Variants in EXOC4 observed in about 807,000 individuals in gnomAD.
EXOC4 encodes the protein exocyst complex component 4.
In EXOC4, 71 loss-of-function variants were observed where a neutral mutation model predicts 107.2. That is an observed-to-expected ratio of 0.66 (90% CI 0.55 to 0.81). The LOEUF (loss-of-function observed/expected upper bound fraction) is 0.81, where lower values mean the gene tolerates loss of function less well. EXOC4 is among the 30% of genes least tolerant of loss of function. EXOC4 has a pLI of 0.00. For synonymous variants in EXOC4, 456 were observed against 441.2 expected, an observed-to-expected ratio of 1.03 and a Z score of -0.42; for missense variants, 1,108 against 1,189.6, an observed-to-expected ratio of 0.93 and a Z score of 1.01.
chr7:134,068,288 C>T (rs549597445), downstream of EXOC4, among the ~76,000 whole-genome samples: 62 of 152,274 alleles, frequency 4.1e-4, no homozygotes, highest in African/African-American at 1.4e-3. Flanking sequence ...CATAATCCCA[C>T]GTGTCAGGGG....
At chr7:133,331,895 C>T (rs920754079) in intron 5 of EXOC4, among the ~76,000 whole-genome samples, 2 of 152,132 alleles carry the variant, frequency 1.3e-5, no homozygotes, top group Non-Finnish European at 2.9e-5. Flanking sequence ...TCTTATTCTC[C>T]TCAGTCACAG....
At chr7:133,943,071 T>G (rs531033314) in intron 14 of EXOC4, among the ~76,000 whole-genome samples, 25 of 152,316 alleles carry the variant, frequency 1.6e-4, no homozygotes, top group Non-Finnish European at 3.2e-4. Flanking sequence ...GTAGTTCCTC[T>G]GTCATACTAG....
chr7:133,436,251 T>C (rs540624132), intron 7 of EXOC4, among the ~76,000 whole-genome samples: 1 of 152,312 alleles, frequency 6.6e-6, no homozygotes, highest in East Asian at 1.9e-4. Flanking sequence ...CTGCTATGTC[T>C]GTACTTGCCC....
intron 10 of EXOC4, among the ~76,000 whole-genome samples, chr7:133,784,755 G>A (rs1226520954): frequency 6.6e-6 from 1 of 152,130 alleles, no homozygotes; most frequent in East Asian, 1.9e-4. Flanking sequence ...AGCCAGTTGA[G>A]CATGGAACAT....
chr7:134,066,809 G>A (rs151280528), downstream of EXOC4, among the ~76,000 whole-genome samples: 6 of 152,202 alleles, frequency 3.9e-5, no homozygotes, highest in Middle Eastern at 3.4e-3. Flanking sequence ...ACACAGTTAC[G>A]TAATGTTCTT....
intron 10 of EXOC4, among the ~76,000 whole-genome samples, chr7:133,810,337 AT>A (rs1294411941): frequency 6.6e-6 from 1 of 152,154 alleles, no homozygotes; most frequent in East Asian, 1.9e-4. Flanking sequence ...CTTGAGTGAA[AT>A]TTTAATTAGT....
At chr7:133,546,489 C>G (rs1800484781) in intron 9 of EXOC4, among the ~76,000 whole-genome samples, 1 of 152,138 alleles carries the variant, frequency 6.6e-6, no homozygotes, top group Admixed American at 6.5e-5. Context: ...CTTCTCACCT[C>G]AAGCGATCTG....
intron 14 of EXOC4, among the ~76,000 whole-genome samples, chr7:133,948,886 C>CTAT (rs1800620461): frequency 6.6e-6 from 1 of 152,188 alleles, no homozygotes; most frequent in Admixed American, 6.5e-5. Flanking sequence ...ACATAATCAC[C>CTAT]TATTACGAGT....
intron 10 of EXOC4, among the ~76,000 whole-genome samples, chr7:133,764,753 G>A (rs989593377): frequency 3.9e-5 from 6 of 152,056 alleles, no homozygotes; most frequent in African/African-American, 1.4e-4. Flanking sequence ...AGCTAACCCA[G>A]CTGGGAGGTG....
At chr7:134,029,568 G>A (rs1795223286) in intron 17 of EXOC4, among the ~76,000 whole-genome samples, 1 of 152,160 alleles carries the variant, frequency 6.6e-6, no homozygotes, top group Admixed American at 6.5e-5. Context: ...CACCCAGGCT[G>A]GAGTGCAGTG....
chr7:133,389,217 T>C (rs987898337), intron 7 of EXOC4, among the ~76,000 whole-genome samples: 1 of 151,824 alleles, frequency 6.6e-6, no homozygotes, highest in African/African-American at 2.4e-5. Flanking sequence ...AGAAAGGCAA[T>C]AGAGATGAGA....
intron 7 of EXOC4, among the ~76,000 whole-genome samples, chr7:133,388,399 C>T (rs916520187): frequency 6.6e-6 from 1 of 152,074 alleles, no homozygotes; most frequent in Non-Finnish European, 1.5e-5. Context: ...TCTGTAATCC[C>T]AGCACTTTGG....
intron 4 of EXOC4, among the ~76,000 whole-genome samples, chr7:133,306,701 T>C (rs999588621): frequency 3.5e-5 from 5 of 144,874 alleles, no homozygotes; most frequent in Non-Finnish European, 7.6e-5. Context: ...CCTGGTCTCT[T>C]AAAAAAAAAA....
At chr7:134,004,461 T>C (rs1019994557) in intron 15 of EXOC4, among the ~76,000 whole-genome samples, 1 of 152,172 alleles carries the variant, frequency 6.6e-6, no homozygotes, top group African/African-American at 2.4e-5. Flanking sequence ...GTAGTCTCCT[T>C]ACACTTTTAA....
chr7:133,919,023 A>G (rs1585248430), intron 13 of EXOC4, among the ~76,000 whole-genome samples: 1 of 152,294 alleles, frequency 6.6e-6, no homozygotes, highest in East Asian at 1.9e-4. Flanking sequence ...CCATATTTTT[A>G]TGAACTTTTT....
intron 7 of EXOC4, among the ~76,000 whole-genome samples, chr7:133,465,678 C>T (rs1297336587): frequency 6.6e-6 from 1 of 152,074 alleles, no homozygotes; most frequent in African/African-American, 2.4e-5. Flanking sequence ...GAATTGAAAT[C>T]ACATAAAGTA....
chr7:134,051,821 T>C (rs1795798422), intron 17 of EXOC4, among the ~76,000 whole-genome samples: 1 of 151,752 alleles, frequency 6.6e-6, no homozygotes, highest in Non-Finnish European at 1.5e-5. Context: ...CTGTGTCTAC[T>C]AAAAATACAA....
At chr7:133,322,070 G>T (rs565941445) in intron 5 of EXOC4, among the ~76,000 whole-genome samples, 1 of 152,206 alleles carries the variant, frequency 6.6e-6, no homozygotes, top group South Asian at 2.1e-4. Context: ...GGGGTTGTTT[G>T]TTTTTTTCTT....
At chr7:133,325,650 C>T (rs1169268082) in intron 5 of EXOC4, among the ~76,000 whole-genome samples, 1 of 152,082 alleles carries the variant, frequency 6.6e-6, no homozygotes, top group Non-Finnish European at 1.5e-5. Flanking sequence ...AATATTTTTT[C>T]CCTTCATTCC....
Sources: allele counts gnomAD v4.1 joint callset (sites outside exome capture counted in the v4.1 genomes callset), GRCh38; gene constraint gnomAD v4.1.1; transcripts MANE v1.5; gene names NCBI Gene and HGNC (gene_info 2026-07-23, HGNC 2026-07-21).